The following GPC5 variants were observed in gnomAD, a reference collection of about 807,000 sequenced individuals.
The protein encoded by GPC5 is glypican 5.
In GPC5, 47 loss-of-function variants were observed where a neutral mutation model predicts 53.9. The observed-to-expected ratio is 0.87, with a 90% CI of 0.69 to 1.11. GPC5 has a LOEUF of 1.11. GPC5 is among the 50% of genes most tolerant of loss of function. GPC5 has a pLI of 0.00. For missense variants in GPC5, 748 were observed against 713.1 expected (o/e 1.05, Z -0.56); for synonymous variants, 286 against 263.3 (o/e 1.09, Z -0.84).
intron 3 of GPC5, among the ~76,000 whole-genome samples, chr13:91,726,650 G>A (rs1334033934): frequency 6.6e-6 from 1 of 152,058 alleles, no homozygotes; most frequent in East Asian, 1.9e-4. Flanking sequence ...CATCATCACT[G>A]TTCTTTGTTC....
At chr13:92,339,212 A>G (rs573100436) in intron 7 of GPC5, among the ~76,000 whole-genome samples, 1 of 151,546 alleles carries the variant, frequency 6.6e-6, no homozygotes, top group Admixed American at 6.6e-5. Flanking sequence ...ACATTATGCT[A>G]TTTGATTACA....
At chr13:91,855,765 T>C (rs1158653764) in intron 5 of GPC5, among the ~76,000 whole-genome samples, 3 of 151,654 alleles carry the variant, frequency 2.0e-5, no homozygotes, top group African/African-American at 7.2e-5. Flanking sequence ...CCTTAAATAT[T>C]ATGCTTTTCT....
At chr13:92,206,042 CAAAAAAA>C (rs58237718) in intron 7 of GPC5, among the ~76,000 whole-genome samples, 1 of 90,426 alleles carries the variant, frequency 1.1e-5, no homozygotes, top group Non-Finnish European at 2.2e-5. Context: ...GACTCCATCT[CAAAAAAA>C]AAAAAAAAAA....
At chr13:91,752,805 G>C (rs184379405) in intron 4 of GPC5, among the ~76,000 whole-genome samples, 12 of 152,306 alleles carry the variant, frequency 7.9e-5, no homozygotes, top group Admixed American at 2.0e-4. Context: ...TCCAGGATGT[G>C]CACAGTTCTT....
chr13:91,925,167 A>G (rs989453531), intron 6 of GPC5, among the ~76,000 whole-genome samples: 13 of 152,174 alleles, frequency 8.5e-5, no homozygotes, highest in Admixed American at 7.9e-4. Flanking sequence ...TTGTAAATTT[A>G]AAACAAAATT....
intron 5 of GPC5, among the ~76,000 whole-genome samples, chr13:91,886,396 A>G (rs1445086066): frequency 6.6e-6 from 1 of 152,166 alleles, no homozygotes; most frequent in Non-Finnish European, 1.5e-5. Context: ...TTGGGTAGGA[A>G]CATAGCCAAA....
chr13:91,938,540 A>C (rs1460800894), intron 6 of GPC5, among the ~76,000 whole-genome samples: 1 of 152,140 alleles, frequency 6.6e-6, no homozygotes, highest in Non-Finnish European at 1.5e-5. Flanking sequence ...CCTTTGAACT[A>C]AGAGCTCTAG....
chr13:92,515,505 T>C (rs1356122142), intron 7 of GPC5, among the ~76,000 whole-genome samples: 2 of 152,198 alleles, frequency 1.3e-5, no homozygotes, highest in African/African-American at 4.8e-5. Flanking sequence ...AGGTGGCATT[T>C]TTGTTTGACC....
chr13:92,192,041 T>C (rs2042226250), intron 7 of GPC5, among the ~76,000 whole-genome samples: 2 of 152,106 alleles, frequency 1.3e-5, no homozygotes, highest in African/African-American at 4.8e-5. Context: ...AAGGAAAAAT[T>C]ATGGTGACAG....
At chr13:92,765,875 A>C (rs1375211465) in intron 7 of GPC5, among the ~76,000 whole-genome samples, 4 of 151,856 alleles carry the variant, frequency 2.6e-5, no homozygotes, top group African/African-American at 9.7e-5. Flanking sequence ...ATAGAAAGAA[A>C]ATAAATTTTA....
At chr13:92,588,950 C>T (rs544293340) in intron 7 of GPC5, among the ~76,000 whole-genome samples, 1 of 152,096 alleles carries the variant, frequency 6.6e-6, no homozygotes, top group Non-Finnish European at 1.5e-5. Context: ...AAATCTCTCA[C>T]TAACATTGGG....
chr13:91,975,337 T>A (rs2040288839), intron 6 of GPC5, among the ~76,000 whole-genome samples: 1 of 152,090 alleles, frequency 6.6e-6, no homozygotes, highest in Admixed American at 6.6e-5. Context: ...ACACGCAACC[T>A]ACAAAATGGG....
intron 5 of GPC5, among the ~76,000 whole-genome samples, chr13:91,877,703 G>C (rs1339528956): frequency 1.3e-5 from 2 of 152,164 alleles, no homozygotes; most frequent in African/African-American, 4.8e-5. Flanking sequence ...ATGCTGCAAT[G>C]AGTTAAGACT....
chr13:92,305,529 G>A (rs191141202), intron 7 of GPC5, among the ~76,000 whole-genome samples: 6 of 151,110 alleles, frequency 4.0e-5, no homozygotes, highest in East Asian at 3.9e-4. Context: ...GAAATTTCAC[G>A]GACTGTAAAA....
intron 6 of GPC5, among the ~76,000 whole-genome samples, chr13:92,116,543 A>G (rs2041603542): frequency 6.6e-6 from 1 of 152,268 alleles, no homozygotes; most frequent in Non-Finnish European, 1.5e-5. Context: ...ACAAGTTGTC[A>G]AAAGACAAGT....
chr13:92,738,436 T>C (rs1041158443), intron 7 of GPC5, among the ~76,000 whole-genome samples: 1 of 151,990 alleles, frequency 6.6e-6, no homozygotes, highest in African/African-American at 2.4e-5. Context: ...AAATGTAATA[T>C]TTTCTTTGAC....
chr13:92,174,172 T>A (rs1013268271), intron 7 of GPC5, among the ~76,000 whole-genome samples: 1 of 151,702 alleles, frequency 6.6e-6, no homozygotes, highest in Admixed American at 6.6e-5. Context: ...CATCTTTACG[T>A]CATTAAAAAA....
intron 7 of GPC5, among the ~76,000 whole-genome samples, chr13:92,219,806 A>C (rs2042436169): frequency 6.6e-6 from 1 of 152,084 alleles, no homozygotes; most frequent in Non-Finnish European, 1.5e-5. Context: ...GTGGACCACT[A>C]CTTTATTTAC....
At chr13:91,628,526 TATCA>T (rs1023616884) in intron 2 of GPC5, among the ~76,000 whole-genome samples, 21 of 127,306 alleles carry the variant, frequency 1.6e-4, no homozygotes, top group African/African-American at 5.0e-4. Flanking sequence ...ATCTGTCATC[TATCA>T]ATCATTTATC....
Sources: gnomAD v4.1 joint callset for allele counts (sites outside exome capture counted in the v4.1 genomes callset) on GRCh38, gnomAD v4.1.1 for gene constraint, MANE v1.5 for transcripts, NCBI Gene and HGNC (gene_info 2026-07-23, HGNC 2026-07-21) for gene names.